PTGFRN: variants seen among roughly 807,000 people sequenced by gnomAD.
PTGFRN encodes prostaglandin F2 receptor inhibitor.
In PTGFRN, 35 loss-of-function variants were observed where a neutral mutation model predicts 83.2. That is an observed-to-expected ratio of 0.42 (90% CI 0.32 to 0.56). PTGFRN has a LOEUF of 0.56. PTGFRN is among the 20% of genes least tolerant of loss of function. The probability of loss-of-function intolerance (pLI) is 0.11; values close to 1 mark genes in which losing one functional copy is unlikely to be tolerated. For synonymous variants in PTGFRN, 519 were observed against 498.6 expected (o/e 1.04, Z -0.55); for missense variants, 1,051 against 1,179.5 (o/e 0.89, Z 1.60).
rs960169191 is a variant in PTGFRN at position 116,910,333 on chromosome 1, C to T, written c.49+81C>T. The T allele has an allele frequency of 7.8e-5, 93 of 1,187,960 alleles. No individual in the cohort carries two copies. The African/African-American group carries it at 1.0e-3, about 13-fold the overall frequency. The allele number at this position is 1,187,960 out of a possible 1,614,324, so 73.6% of individuals were successfully genotyped here. On this transcript the variant is annotated intron_variant, in intron 1 of 8. Transcript: ENST00000393203. ...CTCGGCGGGGCGCGGCTGCAGCGCG[C>T]GGCCTGGGGCGCCGAGGGTGCCCGG...
intron 1 of PTGFRN, among the ~76,000 whole-genome samples, chr1:116,915,480 T>C (rs571293466): frequency 4.3e-4 from 65 of 152,340 alleles, no homozygotes; most frequent in African/African-American, 1.5e-3. Context: ...TTGGCACTTA[T>C]TTTAGCCTTG....
rs1649830710 is a variant in PTGFRN at position 116,932,800 on chromosome 1, G to T, written c.50-8915G>T. ...GATTAAAGACAAAAAATCAACAGAG[G>T]ATGATAATATATAATGCAATTGAAG... On this transcript the variant is annotated intron_variant, in intron 1 of 8. Coordinates refer to ENST00000393203, the MANE Select transcript of PTGFRN (RefSeq NM_020440.4). 2.0e-5 allele frequency among the ~76,000 whole-genome samples: 3 copies of T among 152,280 alleles called. No homozygotes were observed. The South Asian group carries it at 6.2e-4, about 32-fold the overall frequency.
intron 5 of PTGFRN, among the ~76,000 whole-genome samples, chr1:116,965,448 T>C (rs1348280731): frequency 6.6e-6 from 1 of 151,994 alleles, no homozygotes; most frequent in Non-Finnish European, 1.5e-5. Context: ...GCCTGGCTAA[T>C]TATTTAATTT....
intron 1 of PTGFRN, among the ~76,000 whole-genome samples, chr1:116,938,908 G>A (rs1020112869): frequency 4.6e-5 from 7 of 152,162 alleles, no homozygotes; most frequent in African/African-American, 1.7e-4. Flanking sequence ...GGGGCTACAG[G>A]CCCCATGCAA....
At chr1:116,957,893 C>T (rs1650541360) in intron 4 of PTGFRN, among the ~76,000 whole-genome samples, 1 of 152,124 alleles carries the variant, frequency 6.6e-6, no homozygotes, top group South Asian at 2.1e-4. Context: ...TGGCTTATTT[C>T]ACTTAACACT....
At chr1:116,964,017 C>T (rs368822839) in intron 5 of PTGFRN, among the ~76,000 whole-genome samples, 4 of 152,078 alleles carry the variant, frequency 2.6e-5, no homozygotes, top group Middle Eastern at 3.4e-3. Context: ...TGACCTCAAA[C>T]GATCCTCCTG....
intron 4 of PTGFRN, 104 bp downstream of exon 4, chr1:116,949,676 C>T (rs1027714375): frequency 5.1e-5 from 73 of 1,443,518 alleles, no homozygotes; most frequent in Non-Finnish European, 6.7e-5. Flanking sequence ...ATGACTTCGA[C>T]ATTATTTCTA....
intron 6 of PTGFRN, among the ~76,000 whole-genome samples, chr1:116,967,871 A>G (rs918720244): frequency 1.3e-5 from 2 of 152,208 alleles, no homozygotes; most frequent in African/African-American, 4.8e-5. Context: ...GACTGTTACA[A>G]ATAATGCTGC....
chr1:116,952,317 TC>T lies in PTGFRN; in HGVS notation c.1213+2747del, dbSNP rs1650372726. Among the ~76,000 whole-genome samples the T allele has an allele frequency of 6.6e-6, 1 of 152,054 alleles. No homozygotes were observed. Among genetic ancestry groups the T allele is most frequent in the South Asian group, 2.1e-4 (1 of 4,814 alleles). ...GAAGCTGATTGGGGTCTTCTAGAGT[TC>T]CACTGTGCTAAGCAGGAAGACGGGG... On this transcript the variant is annotated intron_variant, in intron 4 of 8. Coordinates refer to ENST00000393203, the MANE Select transcript of PTGFRN (RefSeq NM_020440.4). The surrounding 1 kb of genome is among the most constrained non-coding windows in gnomAD (Gnocchi z 4.0).
intron 6 of PTGFRN, among the ~76,000 whole-genome samples, chr1:116,973,305 A>C (rs1254146506): frequency 1.3e-5 from 2 of 152,018 alleles, no homozygotes; most frequent in African/African-American, 2.4e-5. Context: ...CTCTCCCACA[A>C]CACATAGCCT....
rs1363102323 is a variant in PTGFRN at position 116,974,610 on chromosome 1, G to A, written c.2167+287G>A. On this transcript the variant is annotated intron_variant, in intron 7 of 8. Transcript: ENST00000393203. ...ATTTCAGGCTGATTTGAAACCCACT[G>A]GCAGAGTCTAGCTCCTTCTCTTGTG... 12 of 356,216 alleles carry A rather than the reference G, an allele frequency of 3.4e-5. No individual in the cohort carries two copies. The East Asian group carries it at 3.5e-4, about 11-fold the overall frequency. The allele number at this position is 356,216 out of a possible 1,614,324, so 22.1% of individuals were successfully genotyped here. A position where few individuals can be genotyped will look rare whatever the true frequency, so the allele number is the denominator to read the frequency against.
intron 1 of PTGFRN, among the ~76,000 whole-genome samples, chr1:116,920,504 G>C (rs939168110): frequency 6.6e-6 from 1 of 152,216 alleles, no homozygotes. Flanking sequence ...ATGTTCCACA[G>C]GTTGCCCTTT....
At chr1:116,914,741 G>A (rs866298356) in intron 1 of PTGFRN, among the ~76,000 whole-genome samples, 9 of 151,188 alleles carry the variant, frequency 6.0e-5, no homozygotes, top group Admixed American at 2.0e-4. Flanking sequence ...GTAACAAAGC[G>A]AGACCCTGTC....
rs201152399 is a variant in PTGFRN at position 116,961,399 on chromosome 1, A to G, written c.1370A>G (p.Asn457Ser). 2.7e-5 allele frequency: 44 copies of G among 1,613,662 alleles called. 1 individual carries two copies. The South Asian group carries it at 3.2e-4, about 12-fold the overall frequency. Residue 457 changes from asparagine (N) to serine (S), a missense_variant, in exon 5 of 9, where the codon AAT becomes AGT. Asn to Ser is a conservative substitution (Grantham distance 46). This residue lies in a region of PTGFRN where 719 missense variants were observed against 836.6 expected (regional missense o/e 0.86). Coordinates refer to ENST00000393203, the MANE Select transcript of PTGFRN (RefSeq NM_020440.4). This position sits in a 1 kb window ranked among gnomAD's most constrained non-coding sequence, Gnocchi z 5.4. Reference protein sequence around the residue: ...WYYRMNRRSDNVVTSELLAVM... With the variant: ...WYYRMNRRSDSVVTSELLAVM... ...TACAGGATGAACCGGCGCAGCGACA[A>G]TGTGGTGACCAGCGAGCTGCTTGCA... is the stretch of plus-strand genomic sequence containing the variant.
Position 116,967,446 on chromosome 1 carries a change from A to G in PTGFRN, c.2059+116A>G, listed in dbSNP as rs1360667764. 7.5e-6 allele frequency: 8 copies of G among 1,063,466 alleles called. No individual in the cohort carries two copies. The African/African-American group carries it at 8.0e-5, about 11-fold the overall frequency. The allele number at this position is 1,063,466 out of a possible 1,614,324, so 65.9% of individuals were successfully genotyped here. A position where few individuals can be genotyped will look rare whatever the true frequency, so the allele number is the denominator to read the frequency against. ...TAAGATGCAATTCATATGCCATACAATGTACCTGTTTAAAGTGTGTAATTC... is the reference window on the plus strand; with the variant it reads ...TAAGATGCAATTCATATGCCATACAGTGTACCTGTTTAAAGTGTGTAATTC... On this transcript the variant is annotated intron_variant, in intron 6 of 8. Transcript: ENST00000393203.
chr1:116,973,778 C>T (rs1363071535), intron 6 of PTGFRN, among the ~76,000 whole-genome samples: 1 of 152,112 alleles, frequency 6.6e-6, no homozygotes, highest in Non-Finnish European at 1.5e-5. Flanking sequence ...TTCCCCAGCA[C>T]CCAGCACAGT....
At chr1:116,983,714 A>G (rs907019309) in intron 7 of PTGFRN, among the ~76,000 whole-genome samples, 3 of 152,132 alleles carry the variant, frequency 2.0e-5, no homozygotes, top group South Asian at 2.1e-4. Context: ...CTATTAGTGT[A>G]TTTTTACTAA....
intron 4 of PTGFRN, among the ~76,000 whole-genome samples, chr1:116,953,943 C>G (rs1221774423): frequency 6.6e-6 from 1 of 151,304 alleles, no homozygotes; most frequent in Non-Finnish European, 1.5e-5. Context: ...ACCTCCGCCT[C>G]CCAGATTCAA....
chr1:116,982,031 T>A (rs1042712252), intron 7 of PTGFRN, among the ~76,000 whole-genome samples: 5 of 152,192 alleles, frequency 3.3e-5, no homozygotes, highest in Admixed American at 2.0e-4. Context: ...GAGAAGCCAC[T>A]CCTGTACCTG....
Sources: gnomAD v4.1 joint callset for allele counts (sites outside exome capture counted in the v4.1 genomes callset) on GRCh38, gnomAD v4.1.1 for gene constraint, gnomAD v4.1.1 regional missense constraint, Gnocchi (gnomAD v3.1) non-coding constraint, MANE v1.5 for transcripts, NCBI Gene and HGNC (gene_info 2026-07-23, HGNC 2026-07-21) for gene names.